The following ATAD1 variants were observed in gnomAD, a reference collection of about 807,000 sequenced individuals.
ATAD1 encodes outer mitochondrial transmembrane helix translocase.
A neutral mutation model predicts 42.7 loss-of-function variants in ATAD1; 18 were observed. That is an observed-to-expected ratio of 0.42 (90% CI 0.29 to 0.63). The LOEUF (loss-of-function observed/expected upper bound fraction) is 0.63, where lower values mean the gene tolerates loss of function less well. ATAD1 is among the 20% of genes least tolerant of loss of function. ATAD1 has a pLI of 0.19. For synonymous variants in ATAD1, 132 were observed against 143.1 expected, an observed-to-expected ratio of 0.92 and a Z score of 0.55; for missense variants, 294 against 440.4, an observed-to-expected ratio of 0.67 and a Z score of 2.98.
At position 87,754,585 on chromosome 10, in the gene ATAD1, G is replaced by A. The variant is rs1243183256; in HGVS notation, c.*102C>T. On this transcript the variant is annotated 3_prime_UTR_variant, in exon 10 of 10. Coordinates refer to ENST00000680024, the MANE Select transcript of ATAD1 (RefSeq NM_001321967.2). ...CAGAGTATAAAACCATAAACACTGA[G>A]CTCCCTCATTGTTTAAAGAGCACTC... 7.6e-7 allele frequency: 1 copy of A among 1,316,352 alleles called. No individual in the cohort carries two copies. Among genetic ancestry groups the A allele is most frequent in the East Asian group, 2.4e-5 (1 of 41,400 alleles). The allele number at this position is 1,316,352 out of a possible 1,614,324, so 81.5% of individuals were successfully genotyped here.
At chr10:87,818,267 T>A (rs746615638), upstream of ATAD1, 664 of 985,124 alleles carry the variant, frequency 6.7e-4, no homozygotes, top group Non-Finnish European at 7.6e-4. Flanking sequence ...CGCGGCGCAC[T>A]CCCTCCCACG....
intron 1 of ATAD1, among the ~76,000 whole-genome samples, chr10:87,823,791 T>C (rs1412779448): frequency 1.3e-5 from 2 of 152,204 alleles, no homozygotes; most frequent in African/African-American, 4.8e-5. Context: ...CTCATTTACC[T>C]GATTCTAGGA....
At chr10:87,820,525 TC>T (rs964881629), upstream of ATAD1, among the ~76,000 whole-genome samples, 6 of 152,124 alleles carry the variant, frequency 3.9e-5, no homozygotes, top group African/African-American at 1.4e-4. Flanking sequence ...CCTAAATGAA[TC>T]CTACAATGAA....
chr10:87,791,755 CTTA>C (rs1302089438), intron 3 of ATAD1, among the ~76,000 whole-genome samples: 5 of 152,044 alleles, frequency 3.3e-5, no homozygotes, highest in African/African-American at 9.7e-5. Flanking sequence ...TAAATGTATA[CTTA>C]TTGTTACAAA....
intron 8 of ATAD1, among the ~76,000 whole-genome samples, chr10:87,766,869 C>T (rs1012032313): frequency 2.6e-5 from 4 of 151,486 alleles, no homozygotes; most frequent in African/African-American, 4.8e-5. Flanking sequence ...GATTTTTCTC[C>T]GTGTATTATT....
intron 8 of ATAD1, among the ~76,000 whole-genome samples, chr10:87,757,378 A>C (rs1453998442): frequency 1.3e-5 from 2 of 152,126 alleles, no homozygotes; most frequent in Non-Finnish European, 2.9e-5. Flanking sequence ...CCTCAAGCTA[A>C]GCTTATAGTC....
intron 2 of ATAD1, among the ~76,000 whole-genome samples, chr10:87,799,441 G>A (rs1209288571): frequency 6.6e-6 from 1 of 152,250 alleles, no homozygotes; most frequent in East Asian, 1.9e-4. Flanking sequence ...GTTTGTTTTG[G>A]GAAAAGGCTG....
At position 87,784,054 on chromosome 10, in the gene ATAD1, A is replaced by C. The variant is rs1487665831; in HGVS notation, c.583+416T>G. On this transcript the variant is annotated intron_variant, in intron 5 of 9. Coordinates refer to ENST00000680024, the MANE Select transcript of ATAD1 (RefSeq NM_001321967.2). ...ACAAATAAGAAAACCCAAATGGCTA[A>C]TCAACATGCTAAAAGATGCCCAAGT... 5.3e-5 allele frequency among the ~76,000 whole-genome samples: 8 copies of C among 152,170 alleles called. 1 individual carries two copies. Among genetic ancestry groups the C allele is most frequent in the Admixed American group, 5.2e-4 (8 of 15,258 alleles).
rs141770882 is a variant in ATAD1, at chr10:87,809,168, G to A, written c.162+5270C>T. ...TACCTAAGTTCTCAAATTTATCGAC[G>A]TAACAGTTGACCCTTACACAATACA... On this transcript the variant is annotated intron_variant, in intron 2 of 9. Transcript: ENST00000680024. Among the ~76,000 whole-genome samples, 1,080 of 152,034 alleles carry A rather than the reference G, an allele frequency of 7.1e-3. 9 individuals are homozygous for A. Among genetic ancestry groups the A allele is most frequent in the Admixed American group, 0.02 (304 of 15,290 alleles).
intron 1 of ATAD1, among the ~76,000 whole-genome samples, chr10:87,823,312 CT>C: frequency 6.6e-6 from 1 of 152,238 alleles, no homozygotes; most frequent in East Asian, 1.9e-4. Flanking sequence ...TTTTTAAAAA[CT>C]TCTACCAAAA....
chr10:87,770,274 A>G (rs1367668759), intron 7 of ATAD1, among the ~76,000 whole-genome samples: 1 of 152,190 alleles, frequency 6.6e-6, no homozygotes, highest in Non-Finnish European at 1.5e-5. Context: ...TGTATGGAAC[A>G]TATTTTCTAC....
chr10:87,766,166 A>G (rs1854737576), intron 8 of ATAD1, among the ~76,000 whole-genome samples: 2 of 152,250 alleles, frequency 1.3e-5, no homozygotes, highest in African/African-American at 4.8e-5. Flanking sequence ...TCACAGGAAT[A>G]TGAGTAAACC....
At chr10:87,786,912 G>A (rs1490164797) in intron 4 of ATAD1, among the ~76,000 whole-genome samples, 1 of 151,714 alleles carries the variant, frequency 6.6e-6, no homozygotes, top group Admixed American at 6.6e-5. Flanking sequence ...CCGAGATTGC[G>A]CCATTGCACT....
In ATAD1 at chr10:87,784,609, T is replaced by C. The variant is rs745957960; in HGVS notation, c.444A>G (p.Lys148=). The C allele has an allele frequency of 1.7e-5, 27 of 1,613,262 alleles. No individual in the cohort carries two copies. The highest frequency in any genetic ancestry group is 2.1e-5 in the Non-Finnish European group (25 of 1,179,912). The change falls in exon 5 of 10, where the codon AAA becomes AAG. Residue 148 remains lysine, a synonymous_variant. Transcript: ENST00000680024. The part of the protein sequence containing the change: ...GKTLIAKATA[K]EAGCRFINLQ... Reference sequence around the variant, plus strand: ...GGTTAATAAATCGACAGCCTGCTTCTTTGGCTGTGGCCTTGGCAATCAACG... The same window carrying C: ...GGTTAATAAATCGACAGCCTGCTTCCTTGGCTGTGGCCTTGGCAATCAACG...
intron 2 of ATAD1, among the ~76,000 whole-genome samples, chr10:87,796,149 T>C (rs1856377479): frequency 6.6e-6 from 1 of 152,240 alleles, no homozygotes; most frequent in Non-Finnish European, 1.5e-5. Context: ...ACAGTGATCC[T>C]CTTTTAGGGT....
At chr10:87,790,572 T>C in intron 3 of ATAD1, 142 bp from the exon 4 acceptor site, 3 of 880,008 alleles carry the variant, frequency 3.4e-6, no homozygotes, top group Non-Finnish European at 4.8e-6. Flanking sequence ...AGTAAAGACT[T>C]TTCCAAGCAG....
At chr10:87,764,663 C>T (rs1854650732) in intron 8 of ATAD1, among the ~76,000 whole-genome samples, 1 of 152,138 alleles carries the variant, frequency 6.6e-6, no homozygotes, top group Non-Finnish European at 1.5e-5. Flanking sequence ...CTGTGCTGTC[C>T]TGTCCTGTGT....
At chr10:87,817,175 T>C (rs968690398) in intron 1 of ATAD1, among the ~76,000 whole-genome samples, 6 of 152,262 alleles carry the variant, frequency 3.9e-5, no homozygotes, top group African/African-American at 9.6e-5. Context: ...TAACTATATA[T>C]ACTTTATTGT....
intron 8 of ATAD1, among the ~76,000 whole-genome samples, chr10:87,760,570 C>T (rs1854437796): frequency 6.6e-6 from 1 of 152,016 alleles, no homozygotes; most frequent in African/African-American, 2.4e-5. Context: ...TAACACAGAC[C>T]CCATCTCAAC....
Sources: allele counts gnomAD v4.1 joint callset (sites outside exome capture counted in the v4.1 genomes callset), GRCh38; gene constraint gnomAD v4.1.1; transcripts MANE v1.5; gene names NCBI Gene and HGNC (gene_info 2026-07-23, HGNC 2026-07-21).